Variants in RPGRIP1L observed in about 807,000 individuals in gnomAD.
The protein encoded by RPGRIP1L is RPGRIP1 like.
In RPGRIP1L, 131 loss-of-function variants were observed where a neutral mutation model predicts 160.4. The ratio of observed to expected loss-of-function variants is 0.82; its 90% CI spans 0.71 to 0.94. The LOEUF (loss-of-function observed/expected upper bound fraction) is 0.94, where lower values mean the gene tolerates loss of function less well. RPGRIP1L is among the 40% of genes least tolerant of loss of function. RPGRIP1L has a pLI of 0.00. For missense variants in RPGRIP1L, 1,522 were observed against 1,535.8 expected (o/e 0.99, Z 0.15); for synonymous variants, 510 against 515.8 (o/e 0.99, Z 0.15).
At chr16:53,609,689 C>T (rs778688580) in intron 25 of RPGRIP1L, among the ~76,000 whole-genome samples, 3 of 152,046 alleles carry the variant, frequency 2.0e-5, no homozygotes, top group Non-Finnish European at 4.4e-5. Flanking sequence ...GATGCCATGG[C>T]CAGTGCTGTT....
rs1014844839 is a variant in RPGRIP1L at position 53,600,018 on chromosome 16, G to A, written c.*2058C>T. ...CCATACAGGTGACTGGGTCCCATAAGTTTTCTAAGAAAAACTTTTCCTTTC... is the reference window on the plus strand; with the variant it reads ...CCATACAGGTGACTGGGTCCCATAAATTTTCTAAGAAAAACTTTTCCTTTC... On this transcript the variant is annotated 3_prime_UTR_variant, in exon 27 of 27. Coordinates refer to ENST00000647211, the MANE Select transcript of RPGRIP1L (RefSeq NM_015272.5). The A allele has an allele frequency of 2.0e-5, 3 of 152,182 alleles. No individual in the cohort carries two copies. Among genetic ancestry groups the A allele is most frequent in the Non-Finnish European group, 2.9e-5 (2 of 68,036 alleles). The allele number at this position is 152,182 out of a possible 1,614,324, so 9.4% of individuals were successfully genotyped here.
intron 6 of RPGRIP1L, among the ~76,000 whole-genome samples, chr16:53,683,768 T>C (rs1449090208): frequency 6.6e-6 from 1 of 150,920 alleles, no homozygotes; most frequent in African/African-American, 2.4e-5. Context: ...TAAAGTATTG[T>C]TGAAAGCACA....
In RPGRIP1L at chr16:53,652,618, T is replaced by C. The variant is rs1218245231; in HGVS notation, c.2069A>G (p.Tyr690Cys). ...LEVHQAYSTE[Y>C]ETIAACQLKF... ...TAATTGACATGCTGCAATTGTTTCA[T>C]ATTCTGTGCTATAAGCCTGGTGGAC... The change falls in exon 15 of 27, where the codon TAT becomes TGT. Residue 690 changes from tyrosine (Y) to cysteine (C), a missense_variant. Physicochemically the swap from Tyr to Cys is radical, Grantham distance 194. Transcript: ENST00000647211. The C allele has an allele frequency of 1.9e-6, 3 of 1,614,140 alleles. No homozygotes were observed. The highest frequency in any genetic ancestry group is 3.3e-5 in the Admixed American group (2 of 60,010).
At chr16:53,653,032 T>C (rs768108215) in intron 14 of RPGRIP1L, 45 bp from the exon 15 acceptor site, 37 of 1,515,768 alleles carry the variant, frequency 2.4e-5, no homozygotes, top group Non-Finnish European at 3.1e-5. Flanking sequence ...AATATTGACA[T>C]GAGAAAATGA....
At chr16:53,634,757 T>C (rs1257876488) in intron 22 of RPGRIP1L, among the ~76,000 whole-genome samples, 7 of 152,218 alleles carry the variant, frequency 4.6e-5, no homozygotes, top group African/African-American at 1.4e-4. Context: ...CAAATGCAGA[T>C]GCCAGTGCCA....
At chr16:53,613,709 C>T (rs1175644829) in intron 24 of RPGRIP1L, among the ~76,000 whole-genome samples, 1 of 152,154 alleles carries the variant, frequency 6.6e-6, no homozygotes, top group Non-Finnish European at 1.5e-5. Flanking sequence ...TCTGCTTTAT[C>T]GAGTTGGCCA....
chr16:53,607,066 G>T (rs6499634), intron 25 of RPGRIP1L, among the ~76,000 whole-genome samples: 58,356 of 151,986 alleles, frequency 0.38, 12,981 homozygotes, highest in African/African-American at 0.6. Context: ...GATTAAGATG[G>T]AGTGGTTAAG....
At chr16:53,650,985 A>C (rs529620590) in intron 15 of RPGRIP1L, among the ~76,000 whole-genome samples, 17 of 152,236 alleles carry the variant, frequency 1.1e-4, no homozygotes, top group African/African-American at 3.9e-4. Context: ...AATATATTCT[A>C]TATGCTAACA....
At chr16:53,691,268 G>A (rs866941402) in intron 4 of RPGRIP1L, among the ~76,000 whole-genome samples, 2 of 151,654 alleles carry the variant, frequency 1.3e-5, no homozygotes, top group Admixed American at 6.6e-5. Context: ...TTTTAAAAAC[G>A]TTACTTAAGA....
chr16:53,650,856 C>T (rs1005577671), intron 15 of RPGRIP1L, among the ~76,000 whole-genome samples: 1 of 152,156 alleles, frequency 6.6e-6, no homozygotes, highest in African/African-American at 2.4e-5. Flanking sequence ...CTTTTGCTGG[C>T]TTTTCCTCCT....
chr16:53,663,286 A>G (rs187684049), intron 10 of RPGRIP1L, among the ~76,000 whole-genome samples: 9 of 152,166 alleles, frequency 5.9e-5, no homozygotes, highest in Non-Finnish European at 1.5e-5. Context: ...AAGAACCCTC[A>G]GAATTAATTC....
intron 22 of RPGRIP1L, among the ~76,000 whole-genome samples, chr16:53,634,820 T>A (rs894762937): frequency 2.0e-5 from 3 of 152,180 alleles, no homozygotes; most frequent in Non-Finnish European, 2.9e-5. Context: ...CTTTTCTTTG[T>A]AAATTACCCA....
rs760092537 is a variant in RPGRIP1L at position 53,602,026 on chromosome 16, T to G, written c.*50A>C. On this transcript the variant is annotated 3_prime_UTR_variant, in exon 27 of 27. Transcript: ENST00000647211. The stretch of plus-strand genomic sequence containing the variant: ...TTACAAAAATCTCATGTAGGAACTT[T>G]CATGTGAGCATTTACTGAGGAGTAG... The G allele has an allele frequency of 2.8e-6, 3 of 1,073,308 alleles. No individual in the cohort carries two copies. The highest frequency in any genetic ancestry group is 3.1e-5 in the African/African-American group (2 of 63,576). The allele number at this position is 1,073,308 out of a possible 1,614,324, so 66.5% of individuals were successfully genotyped here. A position where few individuals can be genotyped will look rare whatever the true frequency, so the allele number is the denominator to read the frequency against.
rs1440736858 is a variant in RPGRIP1L at position 53,692,325 on chromosome 16, T to C, written c.270A>G (p.Lys90=). 1 of 1,614,060 alleles carries C rather than the reference T, an allele frequency of 6.2e-7. No individual in the cohort carries two copies. Among genetic ancestry groups the C allele is most frequent in the African/African-American group, 1.3e-5 (1 of 74,930 alleles). Residue 90 remains lysine (K), a synonymous_variant, in exon 4 of 27, where the codon AAA becomes AAG. Transcript: ENST00000647211. ...TKLIRLVNDK[K]RYERVGGGPK... Reference sequence around the variant, plus strand: ...GGCCGCCACCAACCCGCTCATATCTTTTCTTGTCATTAACTAGCCGTATTA... The same window carrying C: ...GGCCGCCACCAACCCGCTCATATCTCTTCTTGTCATTAACTAGCCGTATTA...
At chr16:53,615,601 G>A (rs1964326018) in intron 24 of RPGRIP1L, among the ~76,000 whole-genome samples, 3 of 150,962 alleles carry the variant, frequency 2.0e-5, no homozygotes, top group Admixed American at 2.0e-4. Context: ...AGCCTCCTGA[G>A]TAGCTGGGAT....
At chr16:53,700,595 A>G (rs1372826547) in intron 2 of RPGRIP1L, 44 bp downstream of exon 2, 2 of 1,415,964 alleles carry the variant, frequency 1.4e-6, no homozygotes, top group African/African-American at 1.4e-5. Context: ...AAAAGTAGTC[A>G]GTGATCAAAG....
At chr16:53,612,206 A>G (rs1035400244) in intron 24 of RPGRIP1L, among the ~76,000 whole-genome samples, 5 of 152,186 alleles carry the variant, frequency 3.3e-5, no homozygotes, top group African/African-American at 1.2e-4. Flanking sequence ...TCAGAGAAGA[A>G]TCATCCAAGA....
chr16:53,660,078 C>G (rs950995715), intron 10 of RPGRIP1L, among the ~76,000 whole-genome samples: 32 of 152,064 alleles, frequency 2.1e-4, no homozygotes, highest in Admixed American at 6.6e-4. Context: ...ATTTTTCACT[C>G]CCTGCATTAA....
At chr16:53,624,162 G>T (rs1964918759) in intron 22 of RPGRIP1L, among the ~76,000 whole-genome samples, 1 of 152,174 alleles carries the variant, frequency 6.6e-6, no homozygotes, top group African/African-American at 2.4e-5. Flanking sequence ...AAAGTGCCAG[G>T]ATCACAGGTG....
Sources: gnomAD v4.1 joint callset for allele counts (sites outside exome capture counted in the v4.1 genomes callset) on GRCh38, gnomAD v4.1.1 for gene constraint, MANE v1.5 for transcripts, NCBI Gene and HGNC (gene_info 2026-07-23, HGNC 2026-07-21) for gene names.